The following ADGRF1 variants were observed in gnomAD, a reference collection of about 807,000 sequenced individuals.
ADGRF1 encodes the protein G protein-coupled receptor 110.
In ADGRF1, 85 loss-of-function variants were observed where a neutral mutation model predicts 87.2. The observed-to-expected ratio is 0.97, with a 90% CI of 0.82 to 1.17. The LOEUF (loss-of-function observed/expected upper bound fraction) is 1.17, where lower values mean the gene tolerates loss of function less well. Among genes scored for constraint, ADGRF1 ranks in the 50% most tolerant of loss-of-function variants. The pLI, the probability that ADGRF1 is intolerant of heterozygous loss-of-function variation, is 0.00. For synonymous variants in ADGRF1, 430 were observed against 408.8 expected (o/e 1.05, Z -0.63); for missense variants, 1,169 against 1,077.2 (o/e 1.09, Z -1.19).
chr6:47,012,284 A>G (rs1387176120), intron 9 of ADGRF1, 89 bp from the exon 10 acceptor site: 2 of 1,548,536 alleles, frequency 1.3e-6, no homozygotes, highest in Non-Finnish European at 1.7e-6. Flanking sequence ...TATAGAACTA[A>G]CATTTGTATG....
intron 7 of ADGRF1, chr6:47,018,493 T>C (rs1366125627): frequency 7.8e-7 from 1 of 1,289,800 alleles, no homozygotes; most frequent in East Asian, 5.5e-5. Context: ...TGTATTGATA[T>C]GTCCATTCTA....
Position 47,010,329 on chromosome 6 carries a change from AG to A in ADGRF1, c.1117-12del. The stretch of plus-strand genomic sequence containing the variant: ...TATACTGATGACATCCTGAAACACA[AG>A]GATGAGAGTCAGTTTGTGTTTTTGA... On this transcript the variant is annotated splice_polypyrimidine_tract_variant and intron_variant, in intron 10 of 14. Coordinates refer to ENST00000371253, the MANE Select transcript of ADGRF1 (RefSeq NM_153840.4). The A allele has an allele frequency of 6.3e-7, 1 of 1,581,396 alleles. No individual in the cohort carries two copies. The highest frequency in any genetic ancestry group is 8.6e-7 in the Non-Finnish European group (1 of 1,163,548).
intron 1 of ADGRF1, among the ~76,000 whole-genome samples, chr6:47,033,396 A>C (rs1007729278): frequency 6.6e-6 from 1 of 152,224 alleles, no homozygotes; most frequent in Non-Finnish European, 1.5e-5. Context: ...TATTTATGCC[A>C]ACAGCTGTCT....
rs572595440 is a variant in ADGRF1 at position 47,036,992 on chromosome 6, A to G, written c.-44+5199T>C. Among the ~76,000 whole-genome samples, 11 of 152,332 alleles carry G rather than the reference A, an allele frequency of 7.2e-5. No individual in the cohort carries two copies. In the East Asian group the frequency reaches 1.9e-3, roughly 27 times the overall value. ...CTGAATTCCAGGCAAACCAGGATTT[A>G]ACTTTTAACTTTTCTAAGTTAAAAG... On this transcript the variant is annotated intron_variant, in intron 1 of 14. Coordinates refer to ENST00000371253, the MANE Select transcript of ADGRF1 (RefSeq NM_153840.4).
chr6:47,029,205 C>T (rs972833584), intron 1 of ADGRF1, 101 bp from the exon 2 acceptor site: 6 of 651,830 alleles, frequency 9.2e-6, no homozygotes, highest in African/African-American at 5.4e-5. Context: ...TGAGCTGATC[C>T]GAACCCCTGG....
intron 1 of ADGRF1, among the ~76,000 whole-genome samples, chr6:47,032,629 T>C (rs901029613): frequency 6.6e-6 from 1 of 152,220 alleles, no homozygotes; most frequent in African/African-American, 2.4e-5. Flanking sequence ...TTGTCTCAGA[T>C]TTTCTATACT....
chr6:47,008,877 T>C (rs1367731509), intron 11 of ADGRF1, 68 bp downstream of exon 11: 16 of 1,437,756 alleles, frequency 1.1e-5, no homozygotes, highest in Admixed American at 9.1e-5. Context: ...AGAGTGGTTT[T>C]ACCTGCCTGA....
At chr6:47,040,582 A>C (rs1483021455) in intron 1 of ADGRF1, among the ~76,000 whole-genome samples, 1 of 152,184 alleles carries the variant, frequency 6.6e-6, no homozygotes, top group Non-Finnish European at 1.5e-5. Context: ...GGTGTCCTTA[A>C]GCAAAATTGT....
chr6:47,035,635 A>G (rs1271951649), intron 1 of ADGRF1, among the ~76,000 whole-genome samples: 1 of 152,178 alleles, frequency 6.6e-6, no homozygotes, highest in African/African-American at 2.4e-5. Flanking sequence ...TAAATTTCTC[A>G]GCCCAAAGAA....
rs374160887 is a variant in ADGRF1 at position 47,027,729 on chromosome 6, G to T, written c.102C>A (p.Leu34=). The T allele has an allele frequency of 6.2e-5, 100 of 1,603,388 alleles. No individual in the cohort carries two copies. Among genetic ancestry groups the T allele is most frequent in the Non-Finnish European group, 8.3e-5 (97 of 1,170,734 alleles). Residue 34 remains leucine (L), a synonymous_variant, in exon 3 of 15, where the codon CTC becomes CTA. Transcript: ENST00000371253. ...KNDGIKTKKE[L]IVNKKKHLGP... ...CTAGATGTTTTTTCTTATTCACAAT[G>T]AGTTCTTTTTTTGTTTTGATGCCAT... is the stretch of plus-strand genomic sequence containing the variant.
At chr6:47,024,569 C>T (rs1464902883) in intron 4 of ADGRF1, among the ~76,000 whole-genome samples, 3 of 152,220 alleles carry the variant, frequency 2.0e-5, no homozygotes, top group African/African-American at 7.2e-5. Flanking sequence ...CCGCCTTGGC[C>T]TCCCAAAGTG....
intron 6 of ADGRF1, 142 bp from the exon 7 acceptor site, chr6:47,020,931 A>G (rs983604116): frequency 7.5e-6 from 5 of 666,394 alleles, no homozygotes; most frequent in African/African-American, 3.6e-5. Context: ...AAGTAATTGC[A>G]TGTCATACAA....
intron 9 of ADGRF1, chr6:47,013,508 T>C: frequency 1.0e-6 from 1 of 985,486 alleles, no homozygotes; most frequent in Non-Finnish European, 1.2e-6. Context: ...TATGGAAATC[T>C]ACTTGCTGAA....
intron 1 of ADGRF1, among the ~76,000 whole-genome samples, chr6:47,029,890 A>G (rs151106117): frequency 5.9e-5 from 9 of 152,378 alleles, no homozygotes; most frequent in African/African-American, 1.9e-4. Flanking sequence ...GAACGGTTAC[A>G]TCATTGCTAA....
chr6:47,026,044 T>C, intron 3 of ADGRF1, 41 bp from the exon 4 acceptor site: 3 of 1,510,926 alleles, frequency 2.0e-6, no homozygotes, highest in Non-Finnish European at 2.7e-6. Flanking sequence ...TTTTCTGTCC[T>C]TGGGGAAAAT....
chr6:47,037,951 C>T (rs2113912873), intron 1 of ADGRF1, among the ~76,000 whole-genome samples: 1 of 152,320 alleles, frequency 6.6e-6, no homozygotes, highest in African/African-American at 2.4e-5. Flanking sequence ...CCCTCTTCCT[C>T]CTGGGTTCAA....
rs1779281294 is a variant in ADGRF1 at position 46,998,858 on chromosome 6, C to T, written c.*1364G>A. On this transcript the variant is annotated 3_prime_UTR_variant, in exon 15 of 15. Coordinates refer to ENST00000371253, the MANE Select transcript of ADGRF1 (RefSeq NM_153840.4). ...CCTCAGTCATTTCCTTTGAACCTCT[C>T]ACTTTCATATTTCATGTGTGCTGCA... The T allele has an allele frequency of 6.6e-6, 1 of 152,256 alleles. No individual in the cohort carries two copies. The highest frequency in any genetic ancestry group is 1.5e-5 in the Non-Finnish European group (1 of 68,054). The allele number at this position is 152,256 out of a possible 1,614,324, so 9.4% of individuals were successfully genotyped here.
chr6:47,007,448 A>G (rs922293150), intron 11 of ADGRF1, among the ~76,000 whole-genome samples, 154 bp from the exon 12 acceptor site: 1 of 151,682 alleles, frequency 6.6e-6, no homozygotes, highest in Admixed American at 6.6e-5. Flanking sequence ...CAAGAACACC[A>G]TGTGGCCTCC....
At chr6:47,026,042 C>T in intron 3 of ADGRF1, 39 bp from the exon 4 acceptor site, 1 of 1,516,000 alleles carries the variant, frequency 6.6e-7, no homozygotes, top group Non-Finnish European at 8.9e-7. Context: ...TTTTTTCTGT[C>T]CTTGGGGAAA....
Sources: gnomAD v4.1 joint callset for allele counts (sites outside exome capture counted in the v4.1 genomes callset) on GRCh38, gnomAD v4.1.1 for gene constraint, MANE v1.5 for transcripts, NCBI Gene and HGNC (gene_info 2026-07-23, HGNC 2026-07-21) for gene names.